The following ZNF8 variants were observed in gnomAD, a reference collection of about 807,000 sequenced individuals.
The protein encoded by ZNF8 is zinc finger protein 272.
In ZNF8, 9 loss-of-function variants were observed where a neutral mutation model predicts 12.2. The ratio of observed to expected loss-of-function variants is 0.73; its 90% confidence interval spans 0.44 to 1.28. The LOEUF (loss-of-function observed/expected upper bound fraction) is 1.28, where lower values mean the gene tolerates loss of function less well. Among genes scored for constraint, ZNF8 ranks in the 50% most tolerant of loss-of-function variants. The probability of loss-of-function intolerance (pLI) is 0.00; values close to 1 mark genes in which losing one functional copy is unlikely to be tolerated. For synonymous variants in ZNF8, 274 were observed against 282.3 expected (o/e 0.97, Z 0.30); for missense variants, 664 against 729.1 (o/e 0.91, Z 1.03).
Position 58,295,277 on chromosome 19 carries a change from C to T in ZNF8, c.1469C>T (p.Thr490Ile). Reference sequence around the variant, plus strand: ...CTCATCCGGCACCAGATAACTCACACCAGAGAGGAGCAGCCCCATGGGCGA... The same window carrying T: ...CTCATCCGGCACCAGATAACTCACATCAGAGAGGAGCAGCCCCATGGGCGA... ...SHLIRHQITH[T>I]REEQPHGRSR... Residue 490 changes from threonine (T) to isoleucine (I), a missense_variant, in exon 4 of 4, where the codon ACC becomes ATC. By Grantham distance (89) the Thr-to-Ile change is moderately conservative. Around this residue, in one of 3 missense-constraint regions of ZNF8, gnomAD observed 225 missense variants for 222.0 expected, o/e 1.01. Transcript: ENST00000621650. The T allele has an allele frequency of 6.2e-7, 1 of 1,614,252 alleles. No homozygotes were observed. Among genetic ancestry groups the T allele is most frequent in the Non-Finnish European group, 8.5e-7 (1 of 1,180,036 alleles).
At chr19:58,288,494 A>G (rs2051398217) in intron 3 of ZNF8, among the ~76,000 whole-genome samples, 1 of 152,150 alleles carries the variant, frequency 6.6e-6, no homozygotes, top group Non-Finnish European at 1.5e-5. Context: ...GCAGAACTCT[A>G]GATGTCACCT....
In ZNF8 at chr19:58,278,972, G is replaced by T. The variant is rs982070649; in HGVS notation, c.-110G>T. The T allele has an allele frequency of 7.0e-6, 9 of 1,285,984 alleles. No homozygotes were observed. Among genetic ancestry groups the T allele is most frequent in the Middle Eastern group, 2.5e-4 (1 of 4,050 alleles). 79.7% of individuals were successfully genotyped at this position (1,285,984 alleles called of 1,614,324 possible). A position where few individuals can be genotyped will look rare whatever the true frequency, so the allele number is the denominator to read the frequency against. ...TGGGAGTTGTAGTCGCCGCGTCGCC[G>T]GTGCGGCCGCCATTGTCCGGCGTTC... On this transcript the variant is annotated 5_prime_UTR_variant, in exon 1 of 4. Coordinates refer to ENST00000621650, the MANE Select transcript of ZNF8 (RefSeq NM_021089.3).
At chr19:58,284,015 G>T (rs1437912863) in intron 1 of ZNF8, among the ~76,000 whole-genome samples, 1 of 152,092 alleles carries the variant, frequency 6.6e-6, no homozygotes, top group Non-Finnish European at 1.5e-5. Context: ...TTGAGGTCAG[G>T]AGTTCGACAC....
chr19:58,282,753 A>C (rs2051358459), intron 1 of ZNF8, among the ~76,000 whole-genome samples: 4 of 151,528 alleles, frequency 2.6e-5, no homozygotes, highest in Admixed American at 2.6e-4. Context: ...TCAGCCTCCC[A>C]AGTAGCTGGG....
intron 3 of ZNF8, among the ~76,000 whole-genome samples, chr19:58,293,851 A>G (rs911361654): frequency 1.3e-5 from 2 of 152,236 alleles, no homozygotes; most frequent in African/African-American, 4.8e-5. Context: ...TACAGCAGCA[A>G]ACAGGGAACT....
At chr19:58,286,063 TC>T in intron 2 of ZNF8, 46 bp from the exon 3 acceptor site, 1 of 1,584,642 alleles carries the variant, frequency 6.3e-7, no homozygotes, top group Non-Finnish European at 8.6e-7. Flanking sequence ...GCTTGTTGTT[TC>T]TCTCCTGAGC....
chr19:58,294,912 A>G lies in ZNF8; in HGVS notation c.1104A>G (p.Pro368=), dbSNP rs1479288754. ...RHKRTHTGEK[P]YTCSVCGKSF... Reference sequence around the variant, plus strand: ...AGAGGACACACACTGGGGAGAAGCCATACACCTGCAGTGTGTGTGGGAAAT... The same window carrying G: ...AGAGGACACACACTGGGGAGAAGCCGTACACCTGCAGTGTGTGTGGGAAAT... The change falls in exon 4 of 4, where the codon CCA becomes CCG. Residue 368 remains proline (P), a synonymous_variant. Coordinates refer to ENST00000621650, the MANE Select transcript of ZNF8 (RefSeq NM_021089.3). This position sits in a 1 kb window ranked among gnomAD's most constrained non-coding sequence, Gnocchi z 5.5. The G allele has an allele frequency of 1.9e-6, 3 of 1,614,126 alleles. No individual in the cohort carries two copies. The highest frequency in any genetic ancestry group is 4.5e-5 in the East Asian group (2 of 44,872).
rs1412205587 is a variant in ZNF8, at chr19:58,294,083, T to C, written c.290-15T>C. 1.9e-6 allele frequency: 3 copies of C among 1,586,462 alleles called. No homozygotes were observed. The highest frequency in any genetic ancestry group is 1.1e-5 in the South Asian group (1 of 88,358). The stretch of plus-strand genomic sequence containing the variant: ...TTTCTCCCAACAGCTCAGAGATCTT[T>C]GGGTTTTCTTTCAGCCTGGGAGCCT... On this transcript the variant is annotated splice_polypyrimidine_tract_variant and intron_variant, in intron 3 of 3. Transcript: ENST00000621650. This position sits in a 1 kb window ranked among gnomAD's most constrained non-coding sequence, Gnocchi z 5.5.
At chr19:58,279,704 C>G in intron 1 of ZNF8, 1 of 1,526,286 alleles carries the variant, frequency 6.6e-7, no homozygotes, top group Non-Finnish European at 8.8e-7. Context: ...TCGTCCCCTG[C>G]GAGACTGTGG....
chr19:58,292,127 T>A (rs2051423352), intron 3 of ZNF8, among the ~76,000 whole-genome samples: 1 of 152,186 alleles, frequency 6.6e-6, no homozygotes, highest in Non-Finnish European at 1.5e-5. Context: ...TAAGTTCACC[T>A]ATTAAAATGT....
intron 3 of ZNF8, among the ~76,000 whole-genome samples, chr19:58,289,106 C>G (rs1002844418): frequency 5.3e-5 from 8 of 152,152 alleles, no homozygotes; most frequent in African/African-American, 1.9e-4. Context: ...GTTTTCAAGG[C>G]TTTATGTTAA....
At chr19:58,279,406 C>T (rs1276797296) in intron 1 of ZNF8, 2 of 1,444,582 alleles carry the variant, frequency 1.4e-6, no homozygotes, top group Non-Finnish European at 1.8e-6. Flanking sequence ...GTCGGTCATT[C>T]CCGAGAGAAT....
chr19:58,288,808 CT>C (rs1185935019), intron 3 of ZNF8, among the ~76,000 whole-genome samples: 3 of 152,216 alleles, frequency 2.0e-5, no homozygotes, highest in Admixed American at 1.3e-4. Flanking sequence ...GACCTATCAA[CT>C]GGGAGTCGGG....
At chr19:58,282,463 G>T (rs1440162550) in intron 1 of ZNF8, among the ~76,000 whole-genome samples, 1 of 152,008 alleles carries the variant, frequency 6.6e-6, no homozygotes, top group African/African-American at 2.4e-5. Context: ...AATGTCCTTT[G>T]AACTACAAAA....
chr19:58,286,498 T>A, intron 3 of ZNF8: 1 of 298,972 alleles, frequency 3.3e-6, no homozygotes, highest in Middle Eastern at 1.1e-3. Context: ...TGACACCTCA[T>A]GAGACATGAG....
intron 3 of ZNF8, 25 bp downstream of exon 3, chr19:58,286,230 G>A: frequency 6.2e-7 from 1 of 1,603,496 alleles, no homozygotes; most frequent in Non-Finnish European, 8.5e-7. Flanking sequence ...TGTGGGAGCA[G>A]CTAATGGGAG....
At chr19:58,288,004 TTTTG>T (rs1356591808) in intron 3 of ZNF8, among the ~76,000 whole-genome samples, 23 of 132,678 alleles carry the variant, frequency 1.7e-4, no homozygotes, top group African/African-American at 5.4e-4. Flanking sequence ...ATGCCTGACT[TTTTG>T]TTTGTTTGTG....
In ZNF8 at chr19:58,294,447, C is replaced by T. The variant is rs1248735840; in HGVS notation, c.639C>T (p.Asn213=). The T allele has an allele frequency of 3.1e-6, 5 of 1,614,122 alleles. No individual in the cohort carries two copies. In the African/African-American group the frequency reaches 4.0e-5, roughly 13 times the overall value. The change falls in exon 4 of 4, where the codon AAC becomes AAT. Residue 213 remains asparagine, a synonymous_variant. Coordinates refer to ENST00000621650, the MANE Select transcript of ZNF8 (RefSeq NM_021089.3). This position sits in a 1 kb window ranked among gnomAD's most constrained non-coding sequence, Gnocchi z 5.5. ...YDSQITDSEH[N]SSLVSQQTGS... ...CACAGATTACAGACTCAGAACATAA[C>T]TCCAGCTTAGTCAGTCAGCAGACAG...
chr19:58,280,759 T>C (rs1452584383), intron 1 of ZNF8: 2 of 152,272 alleles, frequency 1.3e-5, no homozygotes, highest in African/African-American at 2.4e-5. Flanking sequence ...CTACCCTCCC[T>C]ACCAAGGTTC....
Sources: allele counts gnomAD v4.1 joint callset (sites outside exome capture counted in the v4.1 genomes callset), GRCh38; gene constraint gnomAD v4.1.1; regional missense constraint gnomAD v4.1.1; non-coding constraint Gnocchi (gnomAD v3.1); transcripts MANE v1.5; gene names NCBI Gene and HGNC (gene_info 2026-07-23, HGNC 2026-07-21).